PCDH11X: variants seen among roughly 807,000 people sequenced by gnomAD.
The protein encoded by PCDH11X is protocadherin-11 X-linked.
In PCDH11X, 18 loss-of-function variants were observed where a neutral mutation model predicts 53.3. The observed-to-expected ratio is 0.34, with a 90% CI of 0.23 to 0.50. The LOEUF (loss-of-function observed/expected upper bound fraction) is 0.50, where lower values mean the gene tolerates loss of function less well. Among genes scored for constraint, PCDH11X ranks in the 20% least tolerant of loss-of-function variants. The pLI is 0.98. For synonymous variants in PCDH11X, 279 were observed against 393.3 expected (o/e 0.71, Z 3.44); for missense variants, 570 against 1,032.4 (o/e 0.55, Z 6.14).
At chrX:91,958,357 T>C (rs768372968) in intron 6 of PCDH11X, among the ~76,000 whole-genome samples, 7 of 111,590 alleles carry the variant, frequency 6.3e-5, no homozygotes, top group Non-Finnish European at 1.1e-4. Flanking sequence ...CCCACCTTAC[T>C]GGTGATCCCA....
At chrX:92,293,391 A>G (rs905537129) in intron 8 of PCDH11X, among the ~76,000 whole-genome samples, 17 of 110,282 alleles carry the variant, frequency 1.5e-4, no homozygotes, top group East Asian at 8.7e-4. Flanking sequence ...TTGGGAGGCC[A>G]AGGCGGGCAG....
At chrX:92,594,838 G>T (rs187079376) in intron 10 of PCDH11X, among the ~76,000 whole-genome samples, 23 of 64,396 alleles carry the variant, frequency 3.6e-4, no homozygotes, top group African/African-American at 1.2e-3. Context: ...TTAAAACATT[G>T]CTATTTTTTT....
At chrX:92,104,816 T>A (rs1301276238) in intron 6 of PCDH11X, among the ~76,000 whole-genome samples, 2 of 108,901 alleles carry the variant, frequency 1.8e-5, no homozygotes, top group African/African-American at 6.7e-5. Context: ...GGTGCAGAGA[T>A]AAGAGATTGG....
At chrX:92,515,005 C>T (rs1273798910) in intron 10 of PCDH11X, among the ~76,000 whole-genome samples, 1 of 98,315 alleles carries the variant, frequency 1.0e-5, no homozygotes, top group Non-Finnish European at 2.0e-5. Flanking sequence ...TGAGATCCCG[C>T]CACTGCACTC....
intron 6 of PCDH11X, among the ~76,000 whole-genome samples, chrX:92,164,029 T>G (rs1005646984): frequency 8.9e-6 from 1 of 112,142 alleles, no homozygotes; most frequent in African/African-American, 3.3e-5. Flanking sequence ...AATTACTGTA[T>G]TATGTTGCCA....
intron 6 of PCDH11X, chrX:92,114,253 T>C (rs1437255440): frequency 1.4e-5 from 13 of 928,275 alleles, no homozygotes; most frequent in Non-Finnish European, 2.0e-5. Flanking sequence ...GATTACATTA[T>C]AACCCCTGAT....
At chrX:92,256,971 G>T (rs1300849753) in intron 7 of PCDH11X, among the ~76,000 whole-genome samples, 1 of 111,095 alleles carries the variant, frequency 9.0e-6, no homozygotes, top group Non-Finnish European at 1.9e-5. Context: ...TTCTTGCAAT[G>T]CTATAAAGAA....
chrX:92,348,523 T>G (rs868378220), intron 8 of PCDH11X, among the ~76,000 whole-genome samples: 28,948 of 102,226 alleles, frequency 0.28, 3,142 homozygotes, highest in Non-Finnish European at 0.33. Flanking sequence ...TTATTATTAT[T>G]ATTATTATTA....
At chrX:92,401,603 C>T (rs1391341739) in intron 9 of PCDH11X, among the ~76,000 whole-genome samples, 1 of 111,856 alleles carries the variant, frequency 8.9e-6, no homozygotes, top group East Asian at 2.8e-4. Flanking sequence ...TTAAAAAATT[C>T]CACAGGAAGC....
chrX:92,330,235 A>G (rs1200499139), intron 8 of PCDH11X, among the ~76,000 whole-genome samples: 14 of 111,203 alleles, frequency 1.3e-4, no homozygotes, highest in African/African-American at 4.6e-4. Flanking sequence ...AATATAAAGT[A>G]CTCTCAAACC....
chrX:92,088,287 T>A (rs2063992650), intron 6 of PCDH11X, among the ~76,000 whole-genome samples: 1 of 111,442 alleles, frequency 9.0e-6, no homozygotes, highest in African/African-American at 3.2e-5. Context: ...TAGCAGTTTA[T>A]TCTCATTTTT....
chrX:92,096,632 G>A (rs2148127101), intron 6 of PCDH11X, among the ~76,000 whole-genome samples: 1 of 111,048 alleles, frequency 9.0e-6, no homozygotes, highest in Admixed American at 9.6e-5. Flanking sequence ...TCACAATCAT[G>A]TTGTAAGGAG....
At chrX:92,153,141 TCCC>T (rs1393910602) in intron 6 of PCDH11X, among the ~76,000 whole-genome samples, 1 of 110,592 alleles carries the variant, frequency 9.0e-6, no homozygotes, top group African/African-American at 3.3e-5. Flanking sequence ...AAACAGGTTT[TCCC>T]AAGGGGGTAT....
At chrX:92,388,729 A>G (rs1400690679) in intron 9 of PCDH11X, among the ~76,000 whole-genome samples, 2 of 110,611 alleles carry the variant, frequency 1.8e-5, no homozygotes, top group Non-Finnish European at 3.8e-5. Flanking sequence ...AAAAAAGCAT[A>G]CAATGTATGT....
Position 91,984,824 on chromosome X carries a change from A to G in PCDH11X, c.3033+105551A>G, listed in dbSNP as rs765910749. Among the ~76,000 whole-genome samples the G allele has an allele frequency of 2.6e-3, 287 of 111,637 alleles. 2 individuals carry two copies. The highest frequency in any genetic ancestry group is 4.1e-3 in the Non-Finnish European group (217 of 53,144). On this transcript the variant is annotated intron_variant, in intron 6 of 10. Coordinates refer to ENST00000682573, the MANE Select transcript of PCDH11X (RefSeq NM_032968.5). ...CTGATGGCATTTTTTAAAATCCAAC[A>G]TATGTATGCTTCTTCAAAGTCTTGG...
chrX:92,109,357 GA>G (rs1223774323), intron 6 of PCDH11X, among the ~76,000 whole-genome samples: 1 of 108,952 alleles, frequency 9.2e-6, no homozygotes, highest in African/African-American at 3.5e-5. Context: ...CTGGGTGACA[GA>G]GGGAGATTCC....
At chrX:91,945,351 C>G (rs1272387739) in intron 6 of PCDH11X, among the ~76,000 whole-genome samples, 2 of 106,771 alleles carry the variant, frequency 1.9e-5, no homozygotes, top group Admixed American at 1.0e-4. Context: ...GCAGTCAAAA[C>G]TGAAAGGCTA....
intron 8 of PCDH11X, among the ~76,000 whole-genome samples, chrX:92,298,740 C>T (rs1327849289): frequency 1.8e-5 from 2 of 110,647 alleles, no homozygotes; most frequent in Non-Finnish European, 3.8e-5. Context: ...AACTGAGGTT[C>T]GGGCTGCTAT....
At chrX:91,814,609 G>A (rs1936397154) in intron 4 of PCDH11X, among the ~76,000 whole-genome samples, 1 of 93,561 alleles carries the variant, frequency 1.1e-5, no homozygotes. Context: ...GACTTCGCAT[G>A]TGGAATTGTG....
Sources: gnomAD v4.1 joint callset for allele counts (sites outside exome capture counted in the v4.1 genomes callset) on GRCh38, gnomAD v4.1.1 for gene constraint, MANE v1.5 for transcripts, NCBI Gene and HGNC (gene_info 2026-07-23, HGNC 2026-07-21) for gene names.